NBPF20: variants seen among roughly 807,000 people sequenced by gnomAD.
NBPF20 encodes NBPF member 20.
A neutral mutation model predicts 68.1 loss-of-function variants in NBPF20; 90 were observed. That is an observed-to-expected ratio of 1.32 (90% CI 1.11 to 1.58). The LOEUF is 1.58. NBPF20 is among the 40% of genes most tolerant of loss of function. The pLI is 0.00. For synonymous variants in NBPF20, 290 were observed against 228.1 expected, an observed-to-expected ratio of 1.27 and a Z score of -2.45; for missense variants, 816 against 601.2, an observed-to-expected ratio of 1.36 and a Z score of -3.74.
chr1:145,291,573 T>G (rs1341974325), exon 138 of NBPF20: 3 of 1,611,872 alleles, frequency 1.9e-6, no homozygotes, highest in South Asian at 2.2e-5. Flanking sequence ...TGGAGACTTG[T>G]CACCGTCAAA....
chr1:145,408,925 T>A (rs1662908108), upstream of NBPF20, among the ~76,000 whole-genome samples: 1 of 150,828 alleles, frequency 6.6e-6, no homozygotes, highest in Non-Finnish European at 1.5e-5. Context: ...TATAAAGGCA[T>A]AATTTCGGTA....
At chr1:145,423,840 C>G in the NBPF20 span, among the ~76,000 whole-genome samples, 42 of 152,306 alleles carry the variant, frequency 2.8e-4, no homozygotes, top group South Asian at 8.5e-3. Context: ...AAACATTCAA[C>G]AATATGTAAT....
At chr1:145,295,033 C>T in intron 133 of NBPF20, 79 bp from the exon 139 acceptor site, 1 of 274,680 alleles carries the variant, frequency 3.6e-6, no homozygotes, top group South Asian at 2.5e-5. Flanking sequence ...TCATGGCTAA[C>T]ATAAGGAACT....
At chr1:145,407,702 G>C (rs1662865009), upstream of NBPF20, 1 of 152,516 alleles carries the variant, frequency 6.6e-6, no homozygotes, top group East Asian at 1.9e-4. Flanking sequence ...CCACCCGCCA[G>C]CCCAGGCGGC....
chr1:145,351,940 A>G, exon 62 of NBPF20: 1 of 63,084 alleles, frequency 1.6e-5, no homozygotes, highest in Non-Finnish European at 2.8e-5. Flanking sequence ...AGAAAAGCCA[A>G]CATGTTTTTC....
the NBPF20 span, among the ~76,000 whole-genome samples, chr1:145,424,971 G>A: frequency 6.6e-6 from 1 of 152,178 alleles, no homozygotes; most frequent in Non-Finnish European, 1.5e-5. Flanking sequence ...GGGCGCGAGT[G>A]GTCTCGCCTC....
chr1:145,393,406 G>C (rs1553662603), intron 9 of NBPF20, among the ~76,000 whole-genome samples, 160 bp from the exon 15 acceptor site: 4 of 151,248 alleles, frequency 2.6e-5, no homozygotes, highest in African/African-American at 7.3e-5. Context: ...GATAGACTAG[G>C]GCCAGGTAGA....
intron 136 of NBPF20, among the ~76,000 whole-genome samples, 193 bp from the exon 142 acceptor site, chr1:145,292,682 G>A (rs371704916): frequency 6.8e-6 from 1 of 146,364 alleles, no homozygotes. Context: ...GAAACTGTGG[G>A]TAAAATGTCC....
chr1:145,410,813 TAC>T, the NBPF20 span, among the ~76,000 whole-genome samples: 32 of 49,552 alleles, frequency 6.5e-4, no homozygotes, highest in Admixed American at 6.1e-3. Context: ...TGTATATATA[TAC>T]GTATATATAT....
At chr1:145,407,410 C>A (rs1345335451), upstream of NBPF20, among the ~76,000 whole-genome samples, 10 of 144,380 alleles carry the variant, frequency 6.9e-5, no homozygotes, top group East Asian at 1.8e-3. Context: ...ATATTATACA[C>A]ATATATACAT....
At chr1:145,400,862 G>T (rs1335204792) in intron 5 of NBPF20, among the ~76,000 whole-genome samples, 197 bp downstream of exon 10, 1 of 151,778 alleles carries the variant, frequency 6.6e-6, no homozygotes, top group Non-Finnish European at 1.5e-5. Flanking sequence ...ATCCCTGTAC[G>T]GTGCAGACGT....
exon 138 of NBPF20, chr1:145,291,286 G>A (rs1178688591): frequency 6.2e-6 from 4 of 646,250 alleles, no homozygotes; most frequent in East Asian, 2.8e-5. Context: ...TAAAATGTCT[G>A]ACTGATCACT....
chr1:145,298,309 G>C (rs1158441038), intron 129 of NBPF20, among the ~76,000 whole-genome samples, 175 bp from the exon 135 acceptor site: 23 of 132,124 alleles, frequency 1.7e-4, no homozygotes, highest in Non-Finnish European at 2.8e-4. Context: ...AAATGGAAAA[G>C]AATGAAAGAG....
exon 138 of NBPF20, chr1:145,290,154 A>T (rs1660972575): frequency 6.7e-6 from 1 of 148,690 alleles, no homozygotes; most frequent in Non-Finnish European, 1.5e-5. Context: ...TTTGCAGTGT[A>T]GAGATATGAA....
At chr1:145,424,415 T>C in the NBPF20 span, among the ~76,000 whole-genome samples, 1 of 152,174 alleles carries the variant, frequency 6.6e-6, no homozygotes, top group South Asian at 2.1e-4. Flanking sequence ...TGGTGAAATT[T>C]TACTAATAAA....
At chr1:145,291,705 A>C in exon 138 of NBPF20, 4 of 1,611,948 alleles carry the variant, frequency 2.5e-6, no homozygotes, top group Non-Finnish European at 3.4e-6. Flanking sequence ...GGAGTAGAAT[A>C]ACATCCATCC....
chr1:145,395,174 G>C (rs1553663495), intron 7 of NBPF20, 33 bp from the exon 13 acceptor site: 2 of 1,333,364 alleles, frequency 1.5e-6, no homozygotes, highest in Non-Finnish European at 2.1e-6. Flanking sequence ...GATGATAGAA[G>C]ATTTAACCAA....
At chr1:145,417,621 CAAAA>C in the NBPF20 span, among the ~76,000 whole-genome samples, 6 of 53,166 alleles carry the variant, frequency 1.1e-4, no homozygotes, top group Admixed American at 6.6e-4. Context: ...CAACACAAAG[CAAAA>C]AAAAAAAAAA....
chr1:145,424,229 G>A, the NBPF20 span, among the ~76,000 whole-genome samples: 3 of 149,362 alleles, frequency 2.0e-5, no homozygotes, highest in Admixed American at 1.3e-4. Context: ...GCCCACCTTG[G>A]CGTCCCAAAG....
Sources: gnomAD v4.1 joint callset for allele counts (sites outside exome capture counted in the v4.1 genomes callset) on GRCh38, gnomAD v4.1.1 for gene constraint, MANE v1.5 for transcripts, NCBI Gene and HGNC (gene_info 2026-07-23, HGNC 2026-07-21) for gene names.